Variants in GLRA2 observed in about 807,000 individuals in gnomAD.
GLRA2 encodes glycine receptor alpha 2.
GLRA2 carries 11 observed loss-of-function variants against 31.6 expected under a neutral mutation model. The observed-to-expected ratio is 0.35, with a 90% CI of 0.22 to 0.58. The LOEUF (loss-of-function observed/expected upper bound fraction) is 0.58. GLRA2 is among the 20% of genes least tolerant of loss of function. GLRA2 has a pLI of 0.84. For missense variants in GLRA2, 212 were observed against 351.8 expected, an observed-to-expected ratio of 0.60 and a Z score of 3.18; for synonymous variants, 132 against 134.0, an observed-to-expected ratio of 0.99 and a Z score of 0.10.
intron 2 of GLRA2, among the ~76,000 whole-genome samples, chrX:14,538,536 T>C (rs1430480507): frequency 1.8e-5 from 2 of 111,318 alleles, no homozygotes; most frequent in East Asian, 5.7e-4. Flanking sequence ...TGGTTTTCCT[T>C]ATATTAGTTC....
chrX:14,454,188 CCA>C, the GLRA2 span, among the ~76,000 whole-genome samples: 22 of 101,527 alleles, frequency 2.2e-4, no homozygotes, highest in South Asian at 5.2e-3. Flanking sequence ...ACCCACACAC[CCA>C]CACACACACA....
the GLRA2 span, among the ~76,000 whole-genome samples, chrX:14,504,135 G>A: frequency 8.9e-6 from 1 of 111,921 alleles, no homozygotes; most frequent in East Asian, 2.8e-4. Flanking sequence ...CATCATTGAT[G>A]TCTGTCTCCC....
chrX:14,515,802 G>A, the GLRA2 span, among the ~76,000 whole-genome samples: 1 of 111,149 alleles, frequency 9.0e-6, no homozygotes, highest in Non-Finnish European at 1.9e-5. Context: ...TACTCATGAG[G>A]TCCTTGTTAT....
chrX:14,574,864 C>A (rs1311056296), intron 3 of GLRA2, among the ~76,000 whole-genome samples: 1 of 111,322 alleles, frequency 9.0e-6, no homozygotes, highest in African/African-American at 3.3e-5. Context: ...ATAGGTGCAT[C>A]TCCAATGCTT....
At chrX:14,640,475 T>A (rs2090761008) in intron 7 of GLRA2, among the ~76,000 whole-genome samples, 1 of 111,861 alleles carries the variant, frequency 8.9e-6, no homozygotes, top group Non-Finnish European at 1.9e-5. Context: ...TTAAAATGCA[T>A]AAAATGCCCA....
the GLRA2 span, among the ~76,000 whole-genome samples, chrX:14,515,191 T>C: frequency 2.2e-3 from 241 of 111,983 alleles, no homozygotes; most frequent in Middle Eastern, 4.7e-3. Context: ...CCTGAGTATA[T>C]GAAGTCATTT....
chrX:14,471,359 G>A, the GLRA2 span, among the ~76,000 whole-genome samples: 1 of 111,757 alleles, frequency 8.9e-6, no homozygotes, highest in Non-Finnish European at 1.9e-5. Context: ...GAGCACAACA[G>A]AGGAGCTCCA....
chrX:14,586,483 C>T (rs962864372), intron 4 of GLRA2, among the ~76,000 whole-genome samples: 2 of 112,151 alleles, frequency 1.8e-5, no homozygotes, highest in African/African-American at 6.5e-5. Context: ...GATTTGTAAA[C>T]CTTCTTCAGA....
At position 14,607,047 on chromosome X, in the gene GLRA2, C is replaced by G. The variant is rs927441961; in HGVS notation, c.578-84C>G. 1.4e-5 allele frequency: 9 copies of G among 662,592 alleles called. No homozygotes were observed. The South Asian group carries it at 1.6e-4, about 12-fold the overall frequency. The allele number at this position is 662,592 out of a possible 1,213,427, so 54.6% of individuals were successfully genotyped here. On this transcript the variant is annotated intron_variant, in intron 5 of 8. Coordinates refer to ENST00000218075, the MANE Select transcript of GLRA2 (RefSeq NM_002063.4). ...AGCGTATGTCTGCTTTAGACAGTTT[C>G]TTTGTTTGTTTCTTTACATGGGTAG... is the stretch of plus-strand genomic sequence containing the variant.
intron 6 of GLRA2, among the ~76,000 whole-genome samples, chrX:14,608,405 C>T (rs1333282807): frequency 9.0e-6 from 1 of 111,603 alleles, no homozygotes; most frequent in African/African-American, 3.2e-5. Context: ...CTAGACTATA[C>T]ACTGGCTTAT....
the GLRA2 span, among the ~76,000 whole-genome samples, chrX:14,472,826 CA>C: frequency 9.0e-6 from 1 of 111,018 alleles, no homozygotes; most frequent in South Asian, 3.9e-4. Context: ...ACCTTCAGAC[CA>C]GGGGCATTCT....
At chrX:14,616,571 C>T (rs1383558952) in intron 7 of GLRA2, among the ~76,000 whole-genome samples, 1 of 111,768 alleles carries the variant, frequency 8.9e-6, no homozygotes, top group African/African-American at 3.2e-5. Context: ...TTTGGTCTTG[C>T]TTTATTCCCC....
At chrX:14,657,951 T>A (rs1000479268) in intron 7 of GLRA2, among the ~76,000 whole-genome samples, 4 of 111,701 alleles carry the variant, frequency 3.6e-5, no homozygotes, top group Non-Finnish European at 7.5e-5. Flanking sequence ...ACCTTATATG[T>A]ATTATCAAAT....
intron 4 of GLRA2, among the ~76,000 whole-genome samples, chrX:14,591,559 C>G (rs897943867): frequency 8.9e-6 from 1 of 111,927 alleles, no homozygotes; most frequent in Non-Finnish European, 1.9e-5. Flanking sequence ...TTATTCTAGC[C>G]GTGCTGGCAG....
the GLRA2 span, among the ~76,000 whole-genome samples, chrX:14,497,388 T>C: frequency 8.9e-6 from 1 of 112,148 alleles, no homozygotes; most frequent in African/African-American, 3.2e-5. Context: ...CAGAAAGGAA[T>C]TTATCATAAG....
chrX:14,493,132 C>T, the GLRA2 span, among the ~76,000 whole-genome samples: 1 of 111,143 alleles, frequency 9.0e-6, no homozygotes, highest in African/African-American at 3.3e-5. Context: ...GAGACACATA[C>T]ATTCAAACCA....
At chrX:14,694,770 C>A (rs903952469) in intron 8 of GLRA2, among the ~76,000 whole-genome samples, 1 of 112,344 alleles carries the variant, frequency 8.9e-6, no homozygotes, top group Non-Finnish European at 1.9e-5. Flanking sequence ...AAAAATGCAG[C>A]CTTTTGATGA....
chrX:14,497,499 G>C, the GLRA2 span, among the ~76,000 whole-genome samples: 1 of 111,162 alleles, frequency 9.0e-6, no homozygotes. Flanking sequence ...CTTGAAGACA[G>C]AGAAGGGTAC....
chrX:14,480,589 A>C, the GLRA2 span, among the ~76,000 whole-genome samples: 1 of 111,520 alleles, frequency 9.0e-6, no homozygotes, highest in Non-Finnish European at 1.9e-5. Context: ...CGAGCCAGCT[A>C]TCCCCAGCAC....
Sources: allele counts gnomAD v4.1 joint callset (sites outside exome capture counted in the v4.1 genomes callset), GRCh38; gene constraint gnomAD v4.1.1; transcripts MANE v1.5; gene names NCBI Gene and HGNC (gene_info 2026-07-23, HGNC 2026-07-21).